Variants in DMD observed in about 807,000 individuals in gnomAD.
DMD encodes dystrophin, also known as mutant dystrophin.
DMD carries 63 observed loss-of-function variants against 330.1 expected under a neutral mutation model. The observed-to-expected ratio is 0.19, with a 90% confidence interval of 0.16 to 0.24. The LOEUF is 0.24. DMD is among the 10% of genes least tolerant of loss of function. The pLI is 1.00. For missense variants in DMD, 3,344 were observed against 2,684.1 expected (o/e 1.25, Z -5.43); for synonymous variants, 1,223 against 959.8 (o/e 1.27, Z -5.07).
At chrX:32,407,693 A>G (rs1290449518) in intron 30 of DMD, among the ~76,000 whole-genome samples, 4 of 110,400 alleles carry the variant, frequency 3.6e-5, no homozygotes, top group Non-Finnish European at 5.7e-5. Flanking sequence ...TTGCGGCACT[A>G]TTCTCAATAG....
intron 6 of DMD, among the ~76,000 whole-genome samples, chrX:32,811,930 A>G (rs1245102908): frequency 8.9e-6 from 1 of 112,214 alleles, no homozygotes; most frequent in African/African-American, 3.2e-5. Flanking sequence ...AAAGCAAAAC[A>G]TGCTCAGATA....
intron 44 of DMD, among the ~76,000 whole-genome samples, chrX:32,167,507 A>G (rs974393339): frequency 7.1e-5 from 8 of 112,128 alleles, no homozygotes; most frequent in African/African-American, 1.9e-4. Context: ...ATTAAAGGAG[A>G]TAAGTCTTCA....
At chrX:33,184,720 CTTTTTT>C (rs11317329) in intron 1 of DMD, among the ~76,000 whole-genome samples, 1 of 51,084 alleles carries the variant, frequency 2.0e-5, no homozygotes, top group Admixed American at 2.8e-4. Context: ...TTTTTTCTTT[CTTTTTT>C]TTTTTTTTTT....
intron 44 of DMD, among the ~76,000 whole-genome samples, chrX:32,157,468 T>A (rs903963946): frequency 1.2e-4 from 13 of 112,594 alleles, no homozygotes; most frequent in Middle Eastern, 4.6e-3. Context: ...GGATTGTCTA[T>A]CTTTTCAGTC....
At chrX:32,739,421 T>G (rs1223275821) in intron 7 of DMD, among the ~76,000 whole-genome samples, 2 of 111,940 alleles carry the variant, frequency 1.8e-5, no homozygotes, top group Admixed American at 9.5e-5. Flanking sequence ...TTCATGAAAC[T>G]GAGAAAAACA....
chrX:32,205,013 A>ACACACACACACC (rs2097059843), intron 44 of DMD, among the ~76,000 whole-genome samples: 1 of 59,132 alleles, frequency 1.7e-5, no homozygotes, highest in Non-Finnish European at 3.6e-5. Flanking sequence ...TCTCACATAC[A>ACACACACACACC]CACACACACA....
chrX:31,337,132 C>T (rs1301257096), intron 61 of DMD, among the ~76,000 whole-genome samples: 2 of 109,482 alleles, frequency 1.8e-5, no homozygotes, highest in Non-Finnish European at 3.8e-5. Context: ...ACCATGTTGG[C>T]CAGGTTGGTC....
intron 34 of DMD, among the ~76,000 whole-genome samples, chrX:32,370,749 A>G (rs370361382): frequency 1.8e-5 from 2 of 111,060 alleles, no homozygotes; most frequent in East Asian, 5.6e-4. Flanking sequence ...AGAGTAAGTA[A>G]TAGTTCTTAT....
intron 64 of DMD, among the ~76,000 whole-genome samples, chrX:31,219,403 T>A (rs2045745843): frequency 9.0e-6 from 1 of 111,131 alleles, no homozygotes; most frequent in African/African-American, 3.3e-5. Flanking sequence ...GGTTTTCAAC[T>A]CCGCCCTCTC....
chrX:33,128,259 A>G, intron 1 of DMD: 1 of 1,130,602 alleles, frequency 8.8e-7, no homozygotes, highest in Non-Finnish European at 1.2e-6. Context: ...TCTATGGGGT[A>G]TGGTAAACCT....
rs186292110 is a variant in DMD, at chrX:32,077,298, G to A, written c.6439-108784C>T. 3.0e-4 allele frequency among the ~76,000 whole-genome samples: 33 copies of A among 110,790 alleles called. No homozygotes were observed. The East Asian group carries it at 9.1e-3, about 31-fold the overall frequency. ...ATATTAGGCATGCTTTTCTACTGAA[G>A]TATATTATACTTCAGTAAGAAGTTA... is the stretch of plus-strand genomic sequence containing the variant. On this transcript the variant is annotated intron_variant, in intron 44 of 78. Coordinates refer to ENST00000357033, the MANE Select transcript of DMD (RefSeq NM_004006.3).
intron 48 of DMD, among the ~76,000 whole-genome samples, chrX:31,858,622 GTTC>G (rs1433724688): frequency 1.8e-5 from 2 of 109,610 alleles, no homozygotes; most frequent in Non-Finnish European, 3.8e-5. Flanking sequence ...TTCTTAAAGT[GTTC>G]TTTTTAGTGT....
intron 16 of DMD, 143 bp downstream of exon 16, chrX:32,565,558 CA>C: frequency 1.7e-6 from 1 of 574,373 alleles, no homozygotes; most frequent in South Asian, 3.0e-5. Flanking sequence ...ACAAGACAGG[CA>C]AAAGAATCAT....
chrX:32,776,291 C>CA (rs919968840), intron 7 of DMD, among the ~76,000 whole-genome samples: 6 of 108,860 alleles, frequency 5.5e-5, no homozygotes, highest in Non-Finnish European at 3.8e-5. Context: ...GACCCCCCCC[C>CA]CAAATTGTTC....
chrX:33,294,252 C>G (rs1268577535), intron 1 of DMD, among the ~76,000 whole-genome samples: 1 of 111,197 alleles, frequency 9.0e-6, no homozygotes, highest in South Asian at 3.7e-4. Context: ...TTTCCAGAGA[C>G]TTTCCATGGT....
rs1204443195 is a variant in DMD at position 32,881,721 on chromosome X, AATT to A, written c.94-31904_94-31902del. Reference sequence around the variant, plus strand: ...CTTGAAATTCAGTCAAATACTTAATAATTATTTTCCATATATCTTATTAGACAT... The same window carrying A: ...CTTGAAATTCAGTCAAATACTTAATAATTTTCCATATATCTTATTAGACAT... On this transcript the variant is annotated intron_variant, in intron 2 of 78. Transcript: ENST00000357033. Among the ~76,000 whole-genome samples, 3 of 112,264 alleles carry A rather than the reference AATT, an allele frequency of 2.7e-5. No individual in the cohort carries two copies. In the Admixed American group the frequency reaches 2.8e-4, roughly 11 times the overall value.
chrX:32,316,057 G>A (rs1269669824), intron 41 of DMD, among the ~76,000 whole-genome samples: 5 of 111,355 alleles, frequency 4.5e-5, no homozygotes, highest in Non-Finnish European at 9.4e-5. Context: ...TTGAACTGCA[G>A]GTTGAGAATG....
At chrX:32,607,541 T>G (rs1335844427) in intron 12 of DMD, among the ~76,000 whole-genome samples, 1 of 110,282 alleles carries the variant, frequency 9.1e-6, no homozygotes, top group Admixed American at 9.7e-5. Flanking sequence ...TCTACTAGTA[T>G]TAGAAATCCA....
chrX:32,824,583 C>T (rs989986249), intron 4 of DMD, among the ~76,000 whole-genome samples: 4 of 111,370 alleles, frequency 3.6e-5, no homozygotes, highest in African/African-American at 1.3e-4. Flanking sequence ...TAGCAGTTGG[C>T]AGAGGTCAGG....
Sources: allele counts gnomAD v4.1 joint callset (sites outside exome capture counted in the v4.1 genomes callset), GRCh38; gene constraint gnomAD v4.1.1; transcripts MANE v1.5; gene names NCBI Gene and HGNC (gene_info 2026-07-23, HGNC 2026-07-21).